RRAGC: variants seen among roughly 807,000 people sequenced by gnomAD.
The protein encoded by RRAGC is ras-related GTP-binding protein C.
Under a neutral mutation model 37.1 loss-of-function variants are expected in RRAGC, and 8 were observed. The ratio of observed to expected loss-of-function variants is 0.22; its 90% CI spans 0.13 to 0.39. RRAGC has a LOEUF of 0.39. RRAGC is among the 10% of genes least tolerant of loss of function. The pLI, the probability that RRAGC is intolerant of heterozygous loss-of-function variation, is 1.00. For synonymous variants in RRAGC, 190 were observed against 181.1 expected, an observed-to-expected ratio of 1.05 and a Z score of -0.39; for missense variants, 342 against 497.6, an observed-to-expected ratio of 0.69 and a Z score of 2.98.
intron 1 of RRAGC, 95 bp from the exon 2 acceptor site, chr1:38,857,177 C>A (rs1642177837): frequency 3.9e-6 from 4 of 1,020,100 alleles, no homozygotes; most frequent in African/African-American, 1.6e-5. Flanking sequence ...TTTGATCCCA[C>A]AAAAAAAAAT....
At chr1:38,851,167 A>G (rs1557586736) in intron 5 of RRAGC, among the ~76,000 whole-genome samples, 1 of 152,366 alleles carries the variant, frequency 6.6e-6, no homozygotes, top group South Asian at 2.1e-4. Flanking sequence ...AGTTCTTCCA[A>G]CATCCAAAAT....
intron 5 of RRAGC, among the ~76,000 whole-genome samples, chr1:38,850,816 A>G (rs1480677190): frequency 2.0e-5 from 3 of 151,258 alleles, no homozygotes; most frequent in African/African-American, 7.3e-5. Context: ...CAGAGGGTAC[A>G]GAGAATGTTA....
chr1:38,848,363 C>T (rs1195585954), intron 5 of RRAGC, among the ~76,000 whole-genome samples: 1 of 152,164 alleles, frequency 6.6e-6, no homozygotes, highest in African/African-American at 2.4e-5. Context: ...ACAACAGGTT[C>T]CAACATAGAC....
At chr1:38,851,466 T>A (rs766939467) in intron 5 of RRAGC, 149 bp downstream of exon 5, 44 of 604,938 alleles carry the variant, frequency 7.3e-5, no homozygotes, top group Middle Eastern at 1.0e-3. Flanking sequence ...TCCAGAGAAA[T>A]CATGCTCCAA....
At position 38,858,492 on chromosome 1, in the gene RRAGC, G is replaced by A. The variant is rs544708888; in HGVS notation, c.237+918C>T. 3.3e-5 allele frequency among the ~76,000 whole-genome samples: 5 copies of A among 152,306 alleles called. No individual in the cohort carries two copies. In the South Asian group the frequency reaches 1.0e-3, roughly 32 times the overall value. On this transcript the variant is annotated intron_variant, in intron 1 of 6. Coordinates refer to ENST00000373001, the MANE Select transcript of RRAGC (RefSeq NM_022157.4). ...GGCGGATGATCACTTGAGGTCAGCA[G>A]TTCGAGATGACCCTGGCCAACATGG...
intron 3 of RRAGC, 63 bp from the exon 4 acceptor site, chr1:38,852,551 T>C (rs1436346930): frequency 2.6e-6 from 2 of 781,642 alleles, no homozygotes; most frequent in African/African-American, 3.5e-5. Context: ...ACAACTATTA[T>C]AATACATAAA....
intron 5 of RRAGC, among the ~76,000 whole-genome samples, chr1:38,848,527 G>C (rs1642054521): frequency 6.6e-6 from 1 of 152,206 alleles, no homozygotes; most frequent in Non-Finnish European, 1.5e-5. Flanking sequence ...CTGGAGATTA[G>C]AGTGACTTGA....
intron 1 of RRAGC, among the ~76,000 whole-genome samples, chr1:38,858,802 A>G (rs1165104856): frequency 1.3e-5 from 2 of 152,250 alleles, no homozygotes; most frequent in African/African-American, 4.8e-5. Context: ...TCAAAGTCTC[A>G]GATTTTTAAA....
chr1:38,841,425 G>A (rs915084977), intron 6 of RRAGC, among the ~76,000 whole-genome samples: 3 of 151,564 alleles, frequency 2.0e-5, no homozygotes, highest in African/African-American at 7.3e-5. Flanking sequence ...AGAGTGCAGT[G>A]GTACAATCAT....
Position 38,859,499 on chromosome 1 carries a change from C to T in RRAGC, c.148G>A (p.Gly50Ser), listed in dbSNP as rs1041991009. The stretch of plus-strand genomic sequence containing the variant: ...TCAGCGCCCCCCGGACCACAGCCAC[C>T]GCCTGCCCCTGCCCCAACCCCTCCG... ...AGGGVGAGAG[G>S]GCGPGGADSS... The change falls in exon 1 of 7, where the codon GGT (glycine) becomes AGT (serine). Residue 50 changes from glycine to serine, a missense_variant. Coordinates refer to ENST00000373001, the MANE Select transcript of RRAGC (RefSeq NM_022157.4). 6.5e-7 allele frequency: 1 copy of T among 1,547,832 alleles called. No homozygotes were observed. The highest frequency in any genetic ancestry group is 8.7e-7 in the Non-Finnish European group (1 of 1,146,640).
intron 6 of RRAGC, among the ~76,000 whole-genome samples, chr1:38,843,157 C>T (rs1423172019): frequency 6.6e-6 from 1 of 151,940 alleles, no homozygotes; most frequent in Non-Finnish European, 1.5e-5. Flanking sequence ...GAGAGAGATC[C>T]TATCTCTACA....
Position 38,849,174 on chromosome 1 carries a change from G to A in RRAGC, c.899+2441C>T, listed in dbSNP as rs573986774. 2.0e-5 allele frequency among the ~76,000 whole-genome samples: 3 copies of A among 152,220 alleles called. No individual in the cohort carries two copies. The East Asian group carries it at 5.8e-4, about 29-fold the overall frequency. On this transcript the variant is annotated intron_variant, in intron 5 of 6. Transcript: ENST00000373001. ...CGGCTGTAGTCCCAGCTACTCAGGA[G>A]GCTGAGGTGGGAGGATCACTTGAGT...
rs1297938805 is a variant in RRAGC at position 38,855,811 on chromosome 1, C to T, written c.538G>A (p.Val180Ile). The change falls in exon 3 of 7, where the codon GTT (valine) becomes ATT (isoleucine). Residue 180 changes from valine to isoleucine, a missense_variant. Around this residue, in one of 3 missense-constraint regions of RRAGC, gnomAD observed 134 missense variants for 277.2 expected, o/e 0.48. Coordinates refer to ENST00000373001, the MANE Select transcript of RRAGC (RefSeq NM_022157.4). ...DMNFEVFIHKVDGLSDDHKIE... is the reference protein window; with the variant it reads ...DMNFEVFIHKIDGLSDDHKIE... ...TTGTGATCATCAGACAGACCATCAA[C>T]TTTGTGAATAAAAACCTCAAAATTC... The T allele has an allele frequency of 6.2e-7, 1 of 1,613,980 alleles. No individual in the cohort carries two copies. Among genetic ancestry groups the T allele is most frequent in the African/African-American group, 1.3e-5 (1 of 75,040 alleles).
At chr1:38,857,792 C>T (rs1642185529) in intron 1 of RRAGC, among the ~76,000 whole-genome samples, 1 of 152,080 alleles carries the variant, frequency 6.6e-6, no homozygotes, top group Non-Finnish European at 1.5e-5. Flanking sequence ...AAACCCCATC[C>T]CCACTAAAAA....
intron 3 of RRAGC, 106 bp downstream of exon 3, chr1:38,855,602 G>T: frequency 1.1e-6 from 1 of 890,162 alleles, no homozygotes; most frequent in South Asian, 1.6e-5. Context: ...AAAAGATGTG[G>T]CAAAGGGCAC....
At chr1:38,848,016 C>A (rs1642048720) in intron 5 of RRAGC, 2 of 118,800 alleles carry the variant, frequency 1.7e-5, no homozygotes, top group Middle Eastern at 6.6e-3. Context: ...CCAGCTTGGG[C>A]AACAGAGACC....
chr1:38,852,295 G>A lies in RRAGC; in HGVS notation c.756+79C>T, dbSNP rs550669466. The A allele has an allele frequency of 2.5e-5, 21 of 834,380 alleles. No homozygotes were observed. The South Asian group carries it at 2.6e-4, about 10-fold the overall frequency. 51.7% of individuals were successfully genotyped at this position (834,380 alleles called of 1,614,324 possible). On this transcript the variant is annotated intron_variant, in intron 4 of 6. Coordinates refer to ENST00000373001, the MANE Select transcript of RRAGC (RefSeq NM_022157.4). ...ATACAGATTAATTCAAGACTTTTTT[G>A]GAAAATTTGAAAACACAAATATATT...
chr1:38,855,894 T>C lies in RRAGC; in HGVS notation c.455A>G (p.Glu152Gly), dbSNP rs1158484510. Residue 152 changes from glutamate to glycine, a missense_variant, in exon 3 of 7, where the codon GAG becomes GGG. Around this residue, in one of 3 missense-constraint regions of RRAGC, gnomAD observed 134 missense variants for 277.2 expected, o/e 0.48. Transcript: ENST00000373001. ...AGTAATGTGAAGTCTTGTTAAAGCCTCCATGTAGTCATCCTGTAAGTCAGA... is the reference window on the plus strand; with the variant it reads ...AGTAATGTGAAGTCTTGTTAAAGCCCCCATGTAGTCATCCTGTAAGTCAGA... ...YVIDAQDDYM[E>G]ALTRLHITVS... 6.2e-7 allele frequency: 1 copy of C among 1,611,744 alleles called. No homozygotes were observed. The highest frequency in any genetic ancestry group is 1.7e-5 in the Admixed American group (1 of 59,982).
At chr1:38,842,517 A>G (rs1337512023) in intron 6 of RRAGC, among the ~76,000 whole-genome samples, 1 of 152,200 alleles carries the variant, frequency 6.6e-6, no homozygotes, top group African/African-American at 2.4e-5. Context: ...GTCTAACAAT[A>G]CCAAGCATTA....
Sources: allele counts gnomAD v4.1 joint callset (sites outside exome capture counted in the v4.1 genomes callset), GRCh38; gene constraint gnomAD v4.1.1; regional missense constraint gnomAD v4.1.1; transcripts MANE v1.5; gene names NCBI Gene and HGNC (gene_info 2026-07-23, HGNC 2026-07-21).